XPO7: variants seen among roughly 807,000 people sequenced by gnomAD.
XPO7 encodes the protein exportin 7, also known as exportin-7.
XPO7 carries 21 observed loss-of-function variants against 144.3 expected under a neutral mutation model. That is an observed-to-expected ratio of 0.15 (90% CI 0.10 to 0.21). The LOEUF (loss-of-function observed/expected upper bound fraction) is 0.21. XPO7 is among the 10% of genes least tolerant of loss of function. The probability of loss-of-function intolerance (pLI) is 1.00; values close to 1 mark genes in which losing one functional copy is unlikely to be tolerated. For synonymous variants in XPO7, 580 were observed against 499.6 expected, an observed-to-expected ratio of 1.16 and a Z score of -2.15; for missense variants, 808 against 1,325.8, an observed-to-expected ratio of 0.61 and a Z score of 6.06.
rs1265856269 is a variant in XPO7, at chr8:21,961,650, C to T, written c.19-5207C>T. On this transcript the variant is annotated intron_variant, in intron 1 of 27. Coordinates refer to ENST00000252512, the MANE Select transcript of XPO7 (RefSeq NM_015024.5). The stretch of plus-strand genomic sequence containing the variant: ...GCTTTTTCATTTTAGTCATTTTTTT[C>T]ATTTTGTTTTGTTTTTCTGAGACAG... Among the ~76,000 whole-genome samples, 3 of 151,526 alleles carry T rather than the reference C, an allele frequency of 2.0e-5. No homozygotes were observed. The East Asian group carries it at 5.9e-4, about 30-fold the overall frequency.
chr8:21,989,845 T>A (rs1812706298), intron 16 of XPO7, among the ~76,000 whole-genome samples: 1 of 57,212 alleles, frequency 1.7e-5, no homozygotes, highest in South Asian at 7.6e-4. Context: ...TTTTTTTTTT[T>A]TTTTTTTTTT....
At chr8:21,930,275 A>G (rs1332882546) in intron 1 of XPO7, among the ~76,000 whole-genome samples, 1 of 152,218 alleles carries the variant, frequency 6.6e-6, no homozygotes, top group Non-Finnish European at 1.5e-5. Flanking sequence ...ACATTCCCTC[A>G]TTTGGCTGGT....
Position 21,994,367 on chromosome 8 carries a change from C to T in XPO7, c.2153C>T (p.Thr718Ile). Residue 718 changes from threonine to isoleucine, a missense_variant, in exon 20 of 28, where the codon ACT (threonine) becomes ATT (isoleucine). Transcript: ENST00000252512. Reference sequence around the variant, plus strand: ...CATTTTTGCCTTCTACTACAGCGAACTCTAGTTGGCCTAGTAAGAGACCTG... The same window carrying T: ...CATTTTTGCCTTCTACTACAGCGAATTCTAGTTGGCCTAGTAAGAGACCTG... ...NSFNEQEAKR[T>I]LVGLVRDLRG... The T allele has an allele frequency of 6.2e-7, 1 of 1,611,816 alleles. No individual in the cohort carries two copies.
chr8:21,929,428 A>C (rs1177698353), intron 1 of XPO7, among the ~76,000 whole-genome samples: 1 of 152,240 alleles, frequency 6.6e-6, no homozygotes, highest in African/African-American at 2.4e-5. Context: ...AGAAATTCAG[A>C]ATTTTACTGA....
At position 21,985,697 on chromosome 8, in the gene XPO7, T is replaced by C; in HGVS notation, c.1577+6T>C. On this transcript the variant is annotated splice_donor_region_variant and intron_variant, in intron 13 of 27. Coordinates refer to ENST00000252512, the MANE Select transcript of XPO7 (RefSeq NM_015024.5). ...GATGGTGAGCTTGTCTGTCGGTAAG[T>C]GCTCCCCACAGAAGCTCTCCACTCT... The C allele has an allele frequency of 6.2e-7, 1 of 1,612,622 alleles. No individual in the cohort carries two copies.
chr8:21,934,533 C>CA (rs1036419039), intron 1 of XPO7, among the ~76,000 whole-genome samples: 74 of 131,980 alleles, frequency 5.6e-4, no homozygotes, highest in Middle Eastern at 3.8e-3. Flanking sequence ...AACTCCGTCT[C>CA]AAAAAAAAAA....
intron 1 of XPO7, among the ~76,000 whole-genome samples, chr8:21,952,234 C>T (rs1318191142): frequency 6.6e-6 from 1 of 151,906 alleles, no homozygotes; most frequent in Non-Finnish European, 1.5e-5. Context: ...TTTTGTTACA[C>T]AGTTTGCTAG....
chr8:21,999,126 G>C lies in XPO7; in HGVS notation c.2464G>C (p.Asp822His), dbSNP rs1467644481. ...RILTLGEVPK[D>H]QVYALKLKGI... The stretch of plus-strand genomic sequence containing the variant: ...CCTGACACTAGGAGAGGTCCCAAAG[G>C]ATCAGGTCTATGCTCTGAAGCTCAA... Residue 822 changes from aspartate (D) to histidine (H), a missense_variant, in exon 23 of 28, where the codon GAT (aspartate) becomes CAT (histidine). Physicochemically the swap from Asp to His is moderately conservative, Grantham distance 81. Around this residue, in one of 5 missense-constraint regions of XPO7, gnomAD observed 416 missense variants for 612.5 expected, o/e 0.68. Coordinates refer to ENST00000252512, the MANE Select transcript of XPO7 (RefSeq NM_015024.5). 1 of 1,613,928 alleles carries C rather than the reference G, an allele frequency of 6.2e-7. No individual in the cohort carries two copies. The highest frequency in any genetic ancestry group is 8.5e-7 in the Non-Finnish European group (1 of 1,179,872).
intron 20 of XPO7, among the ~76,000 whole-genome samples, 176 bp from the exon 21 acceptor site, chr8:21,995,316 G>T (rs1477164288): frequency 2.0e-5 from 3 of 152,136 alleles, no homozygotes; most frequent in Admixed American, 6.5e-5. Context: ...ACAGGTTAAA[G>T]AACACAAAAT....
chr8:21,955,731 T>A (rs1331981426), intron 1 of XPO7, among the ~76,000 whole-genome samples: 3 of 59,358 alleles, frequency 5.1e-5, no homozygotes, highest in Non-Finnish European at 1.4e-4. Context: ...TACCTTTTTT[T>A]TTTTTTTTTT....
chr8:21,976,398 G>A lies in XPO7; in HGVS notation c.640G>A (p.Gly214Ser). 1 of 1,613,954 alleles carries A rather than the reference G, an allele frequency of 6.2e-7. No homozygotes were observed. The change falls in exon 7 of 28, where the codon GGC (glycine) becomes AGC (serine). Residue 214 changes from glycine to serine, a missense_variant. Physicochemically the swap from Gly to Ser is moderately conservative, Grantham distance 56. This residue lies in a region of XPO7 where 223 missense variants were observed against 368.8 expected (regional missense o/e 0.60). Transcript: ENST00000252512. ...NLNLNDESQH[G>S]LLMQLLKLTH... ...AAACTTGAATGATGAAAGTCAGCAT[G>A]GCTTGCTCATGCAACTGCTCAAGCT...
intron 20 of XPO7, among the ~76,000 whole-genome samples, chr8:21,995,047 C>A (rs1426564801): frequency 6.8e-6 from 1 of 148,136 alleles, no homozygotes; most frequent in Non-Finnish European, 1.5e-5. Context: ...GAGCGAGACT[C>A]CATCTCAAAA....
intron 7 of XPO7, among the ~76,000 whole-genome samples, chr8:21,976,817 C>T (rs2117345545): frequency 6.6e-6 from 1 of 152,300 alleles, no homozygotes; most frequent in East Asian, 1.9e-4. Flanking sequence ...CCACACCCGG[C>T]TAATTTTGTT....
intron 16 of XPO7, among the ~76,000 whole-genome samples, chr8:21,989,893 A>G (rs1219615139): frequency 3.7e-5 from 4 of 108,152 alleles, no homozygotes; most frequent in African/African-American, 1.4e-4. Context: ...TCTGTTGCCC[A>G]GGCTGGAGTG....
chr8:21,969,762 T>G, intron 3 of XPO7, 186 bp downstream of exon 3: 1 of 614,042 alleles, frequency 1.6e-6, no homozygotes, highest in Non-Finnish European at 2.8e-6. Flanking sequence ...CAATAACTTC[T>G]GGATAAAGCC....
At chr8:21,991,063 C>T in intron 18 of XPO7, 144 bp downstream of exon 18, 1 of 736,712 alleles carries the variant, frequency 1.4e-6, no homozygotes, top group Non-Finnish European at 2.3e-6. Context: ...CCTGATTTCA[C>T]CAAGAACAGA....
chr8:21,951,477 TTTG>T (rs1201891239), intron 1 of XPO7, among the ~76,000 whole-genome samples: 3 of 152,144 alleles, frequency 2.0e-5, no homozygotes, highest in East Asian at 3.9e-4. Context: ...TACTCAGATA[TTTG>T]TTGTTGTATG....
chr8:22,000,887 A>G (rs188515721), intron 24 of XPO7, among the ~76,000 whole-genome samples: 5 of 152,332 alleles, frequency 3.3e-5, no homozygotes, highest in Non-Finnish European at 7.3e-5. Flanking sequence ...TGGATTGTCA[A>G]CTGTGGTGAA....
chr8:21,986,134 A>T lies in XPO7; in HGVS notation c.1577+443A>T, dbSNP rs181741897. On this transcript the variant is annotated intron_variant, in intron 13 of 27. Transcript: ENST00000252512. ...TCTGTGCAATTCTCATTTTATCAAAACTTTTTTTTTTTTTTTTTTTGGAGA... is the reference window on the plus strand; with the variant it reads ...TCTGTGCAATTCTCATTTTATCAAATCTTTTTTTTTTTTTTTTTTTGGAGA... Among the ~76,000 whole-genome samples the T allele has an allele frequency of 2.1e-3, 311 of 145,184 alleles. 1 individual carries two copies. Among genetic ancestry groups the T allele is most frequent in the African/African-American group, 7.6e-3 (299 of 39,238 alleles).
Sources: gnomAD v4.1 joint callset for allele counts (sites outside exome capture counted in the v4.1 genomes callset) on GRCh38, gnomAD v4.1.1 for gene constraint, gnomAD v4.1.1 regional missense constraint, MANE v1.5 for transcripts, NCBI Gene and HGNC (gene_info 2026-07-23, HGNC 2026-07-21) for gene names.